LINC00632: variants seen among roughly 807,000 people sequenced by gnomAD.
LINC00632 encodes the protein ALDOA related specific transcript.
At chrX:140,791,145 C>T (rs1412484252) in exon 5 of LINC00632, among the ~76,000 whole-genome samples, 1 of 110,890 alleles carries the variant, frequency 9.0e-6, no homozygotes, top group African/African-American at 3.3e-5. Flanking sequence ...ATAAATGCCC[C>T]TTTTCAAGTT....
At chrX:140,733,220 A>G (rs1931087954) in intron 2 of LINC00632, among the ~76,000 whole-genome samples, 1 of 112,908 alleles carries the variant, frequency 8.9e-6, no homozygotes, top group Non-Finnish European at 1.9e-5. Flanking sequence ...CACACACCTC[A>G]CAAACCCACG....
At chrX:140,724,702 TACAC>T (rs747665644) in intron 2 of LINC00632, among the ~76,000 whole-genome samples, 1 of 27,986 alleles carries the variant, frequency 3.6e-5, no homozygotes, top group African/African-American at 1.1e-4. Context: ...ACACATCCAG[TACAC>T]ACACACACAG....
chrX:140,711,271 G>A (rs1400186069), intron 1 of LINC00632, among the ~76,000 whole-genome samples: 4 of 111,023 alleles, frequency 3.6e-5, no homozygotes, highest in Middle Eastern at 9.5e-3. Flanking sequence ...CCATAATCCC[G>A]TAACTTAGAG....
exon 5 of LINC00632, among the ~76,000 whole-genome samples, chrX:140,789,934 T>A (rs1238217060): frequency 8.9e-6 from 1 of 111,960 alleles, no homozygotes; most frequent in African/African-American, 3.2e-5. Flanking sequence ...AAGATTTAAT[T>A]ATGTAAATAG....
intron 3 of LINC00632, among the ~76,000 whole-genome samples, chrX:140,742,124 G>C (rs1201210624): frequency 6.3e-5 from 7 of 111,706 alleles, no homozygotes; most frequent in Non-Finnish European, 1.3e-4. Flanking sequence ...ACAGTAAATA[G>C]ACTGAATATA....
intron 3 of LINC00632, among the ~76,000 whole-genome samples, chrX:140,768,821 GTATATATTA>G (rs1931743963): frequency 2.0e-5 from 2 of 100,059 alleles, no homozygotes. Flanking sequence ...ATATATATTT[GTATATATTA>G]TATATATATT....
intron 2 of LINC00632, chrX:140,716,345 A>C (rs1479212955): frequency 3.6e-5 from 4 of 111,822 alleles, no homozygotes; most frequent in African/African-American, 1.3e-4. Context: ...AGATAAGAGT[A>C]GTGCCTACTT....
rs73590170 is a variant in LINC00632, at chrX:140,736,873, T to A, written n.191+2909T>A. Among the ~76,000 whole-genome samples, 1,039 of 109,695 alleles carry A rather than the reference T, an allele frequency of 9.5e-3. 20 individuals carry two copies. The highest frequency in any genetic ancestry group is 0.033 in the African/African-American group (997 of 30,061). ...ATTTATAAAATGAAATGAAGATTGA[T>A]GCTTTTTTCTTTTTTCTTTTTCTTT... On this transcript the variant is annotated intron_variant and non_coding_transcript_variant, in intron 3 of 4. Coordinates refer to ENST00000648200, the Ensembl canonical transcript of LINC00632.
chrX:140,736,289 A>T (rs1005746193), intron 3 of LINC00632, among the ~76,000 whole-genome samples: 7 of 111,262 alleles, frequency 6.3e-5, no homozygotes, highest in African/African-American at 2.3e-4. Flanking sequence ...AGAATTTCTC[A>T]TGTAAATATG....
At chrX:140,715,897 C>T (rs1318504686) in intron 2 of LINC00632, 1 of 111,784 alleles carries the variant, frequency 8.9e-6, no homozygotes, top group Non-Finnish European at 1.9e-5. Context: ...AATGTACAGA[C>T]AAGCCCTTCA....
chrX:140,776,798 C>A (rs1315993215), exon 5 of LINC00632, among the ~76,000 whole-genome samples: 1 of 111,142 alleles, frequency 9.0e-6, no homozygotes, highest in African/African-American at 3.3e-5. Context: ...TAGGTATATA[C>A]CCAAAAGATT....
intron 2 of LINC00632, among the ~76,000 whole-genome samples, chrX:140,724,094 C>A (rs1022068484): frequency 3.0e-5 from 2 of 67,086 alleles, no homozygotes; most frequent in Non-Finnish European, 6.1e-5. Flanking sequence ...ACATTCGATA[C>A]GCACATATAT....
rs1170246119 is a variant in LINC00632 at position 140,748,831 on chromosome X, C to A, written n.191+14867C>A. On this transcript the variant is annotated intron_variant and non_coding_transcript_variant, in intron 3 of 4. Transcript: ENST00000648200. Reference sequence around the variant, plus strand: ...ATATTTTATCTATGATATATTTTATCTATGATATATATATTTTATATATAT... The same window carrying A: ...ATATTTTATCTATGATATATTTTATATATGATATATATATTTTATATATAT... Among the ~76,000 whole-genome samples the A allele has an allele frequency of 5.0e-5, 5 of 99,694 alleles. No individual in the cohort carries two copies. In the East Asian group the frequency reaches 1.2e-3, roughly 24 times the overall value. 86.6% of individuals were successfully genotyped at this position (99,694 alleles called of 115,157 possible). A position where few individuals can be genotyped will look rare whatever the true frequency, so the allele number is the denominator to read the frequency against.
At chrX:140,782,848 A>G (rs191924161) in exon 5 of LINC00632, 2 of 102,544 alleles carry the variant, frequency 2.0e-5, no homozygotes, top group Non-Finnish European at 3.8e-5. Flanking sequence ...CATCTTTAAA[A>G]TTTAATTCTT....
At chrX:140,772,135 C>T (rs1278650233) in exon 4 of LINC00632, 3 of 293,156 alleles carry the variant, frequency 1.0e-5, no homozygotes, top group South Asian at 2.3e-4. Context: ...GTTCCACGAT[C>T]GCTTCACAAC....
intron 2 of LINC00632, among the ~76,000 whole-genome samples, chrX:140,732,230 C>CA (rs1008496405): frequency 2.8e-4 from 31 of 110,036 alleles, no homozygotes; most frequent in African/African-American, 7.6e-4. Flanking sequence ...AAAACAAAAA[C>CA]AAAAAAAACC....
intron 3 of LINC00632, among the ~76,000 whole-genome samples, chrX:140,748,895 A>AT (rs1491426462): frequency 7.5e-5 from 8 of 106,158 alleles, no homozygotes; most frequent in Non-Finnish European, 1.3e-4. Flanking sequence ...ATAAAATAAA[A>AT]TATATATATT....
chrX:140,784,445 C>T, exon 5 of LINC00632: 1 of 1,116,342 alleles, frequency 9.0e-7, no homozygotes. Context: ...CCATGTCTTC[C>T]TATATCTCCA....
intron 3 of LINC00632, among the ~76,000 whole-genome samples, chrX:140,758,617 A>G (rs1931534606): frequency 8.9e-6 from 1 of 111,840 alleles, no homozygotes. Context: ...ACCTCAGGTG[A>G]TCCACCCGCC....
Sources: allele counts gnomAD v4.1 joint callset (sites outside exome capture counted in the v4.1 genomes callset), GRCh38; gene constraint gnomAD v4.1.1; transcripts MANE v1.5; gene names NCBI Gene and HGNC (gene_info 2026-07-23, HGNC 2026-07-21).